Variants in ACP2 observed in about 807,000 individuals in gnomAD.
The protein encoded by ACP2 is lysosomal acid phosphatase.
In ACP2, 35 loss-of-function variants were observed where a neutral mutation model predicts 54.7. That is an observed-to-expected ratio of 0.64 (90% CI 0.49 to 0.85). The LOEUF is 0.85. Among genes scored for constraint, ACP2 ranks in the 40% least tolerant of loss-of-function variants. The probability of loss-of-function intolerance (pLI) is 0.00; values close to 1 mark genes in which losing one functional copy is unlikely to be tolerated. For missense variants in ACP2, 492 were observed against 565.0 expected (o/e 0.87, Z 1.31); for synonymous variants, 210 against 224.4 (o/e 0.94, Z 0.57).
chr11:47,240,836 A>G (rs1591008782), intron 10 of ACP2, among the ~76,000 whole-genome samples: 7 of 152,040 alleles, frequency 4.6e-5, no homozygotes, highest in African/African-American at 1.2e-4. Flanking sequence ...AAAAAAAAAA[A>G]TTAGGAGTGA....
intron 1 of ACP2, 147 bp downstream of exon 1, chr11:47,248,529 G>A: frequency 1.3e-6 from 2 of 1,551,488 alleles, no homozygotes; most frequent in African/African-American, 1.4e-5. Context: ...CAGGGCTCCA[G>A]GTCAATCCTG....
chr11:47,246,256 C>T (rs1954074927), intron 3 of ACP2, among the ~76,000 whole-genome samples: 1 of 152,122 alleles, frequency 6.6e-6, no homozygotes, highest in African/African-American at 2.4e-5. Flanking sequence ...GCTCCAGTGA[C>T]GACCCTTAGA....
At chr11:47,245,153 C>T in intron 6 of ACP2, 152 bp downstream of exon 6, 1 of 968,204 alleles carries the variant, frequency 1.0e-6, no homozygotes, top group Non-Finnish European at 1.6e-6. Flanking sequence ...ATCTCTGTCA[C>T]CCATGAGGGA....
chr11:47,243,158 TC>T, intron 8 of ACP2, 34 bp from the exon 9 acceptor site: 1 of 1,613,494 alleles, frequency 6.2e-7, no homozygotes. Context: ...TCAGCATTGT[TC>T]CCCACACCCG....
chr11:47,245,801 G>T lies in ACP2; in HGVS notation c.331C>A (p.Leu111Ile). The change falls in exon 4 of 11, where the codon CTC (leucine) becomes ATC (isoleucine). Residue 111 changes from leucine to isoleucine, a missense_variant. Leu to Ile is a conservative substitution (Grantham distance 5). Coordinates refer to ENST00000672073, the MANE Select transcript of ACP2 (RefSeq NM_001610.4). Reference protein sequence around the residue: ...YVRSTDFDRTLMSAEANLAGL... With the variant: ...YVRSTDFDRTIMSAEANLAGL... ...GCCAGGTTGGCCTCAGCACTCATGA[G>T]AGTCCGGTCAAAGTCTGTGCTTCGC... 6.3e-7 allele frequency: 1 copy of T among 1,597,186 alleles called. No individual in the cohort carries two copies. The highest frequency in any genetic ancestry group is 8.5e-7 in the Non-Finnish European group (1 of 1,171,890).
At chr11:47,248,390 G>A (rs1477884328) in intron 1 of ACP2, 8 of 1,490,082 alleles carry the variant, frequency 5.4e-6, no homozygotes, top group Non-Finnish European at 7.2e-6. Context: ...AGCAACGTAT[G>A]TGGTGGGGAC....
rs149746754 is a variant in ACP2 at position 47,242,739 on chromosome 11, G to T, written c.1122C>A (p.Ser374Arg). The change falls in exon 10 of 11, where the codon AGC becomes AGA. Residue 374 changes from serine (S) to arginine (R), a missense_variant. Ser to Arg is a moderately radical substitution (Grantham distance 110). Transcript: ENST00000672073. The stretch of plus-strand genomic sequence containing the variant: ...ACAGCTCACCTGTGTCTGCAGGACC[G>T]CTTGCCAGCTGGCACTCCTGCTGCC... ...KDWQQECQLA[S>R]GPADTEVIVA... 6.2e-7 allele frequency: 1 copy of T among 1,613,534 alleles called. No individual in the cohort carries two copies.
rs1370001918 is a variant in ACP2 at position 47,245,339 on chromosome 11, G to C, written c.605C>G (p.Thr202Ser). 6.2e-7 allele frequency: 1 copy of C among 1,614,112 alleles called. No individual in the cohort carries two copies. Among genetic ancestry groups the C allele is most frequent in the African/African-American group, 1.3e-5 (1 of 75,010 alleles). The change falls in exon 6 of 11, where the codon ACC (threonine) becomes AGC (serine). Residue 202 changes from threonine (T) to serine (S), a missense_variant. Coordinates refer to ENST00000672073, the MANE Select transcript of ACP2 (RefSeq NM_001610.4). ...ETGLTDLTLETVWNVYDTLFC... is the reference protein window; with the variant it reads ...ETGLTDLTLESVWNVYDTLFC... ...GAGTGTGTCATAGACATTCCAGACG[G>C]TCTCCAGTGTCAGGTCTGTAAGCCC...
At chr11:47,244,586 G>T in intron 7 of ACP2, 149 bp downstream of exon 7, 3 of 546,206 alleles carry the variant, frequency 5.5e-6, no homozygotes, top group Non-Finnish European at 9.4e-6. Context: ...GGGGAAATTT[G>T]GTGACTAGCG....
At chr11:47,242,978 C>T (rs11039145) in intron 9 of ACP2, 40 bp downstream of exon 9, 63,772 of 1,612,834 alleles carry the variant, frequency 0.04, 1,690 homozygotes, top group South Asian at 0.11. Context: ...AGCCACCTCC[C>T]GAGGGCCCCC....
Position 47,245,578 on chromosome 11 carries a change from G to T in ACP2, c.451-6C>A. ...CCCAACGGGAACTTCAGCAGCTGTA[G>T]AGCGAAGCGGGGAAACAGGCAGCGG... On this transcript the variant is annotated splice_region_variant and splice_polypyrimidine_tract_variant and intron_variant, in intron 4 of 10. Transcript: ENST00000672073. 2 of 1,614,254 alleles carry T rather than the reference G, an allele frequency of 1.2e-6. No homozygotes were observed. The highest frequency in any genetic ancestry group is 8.5e-7 in the Non-Finnish European group (1 of 1,180,052).
chr11:47,244,673 A>G, intron 7 of ACP2, 62 bp downstream of exon 7: 3 of 1,364,118 alleles, frequency 2.2e-6, no homozygotes, highest in Non-Finnish European at 3.0e-6. Flanking sequence ...AAGCCCCCAC[A>G]GCAGATTTTT....
Position 47,245,522 on chromosome 11 carries a change from G to C in ACP2, c.501C>G (p.Asn167Lys). The stretch of plus-strand genomic sequence containing the variant: ...GATACTCTGGTGTCTGCCGGGTCTC[G>C]TTCTGCAGCTGCTCATAACGGGGAC... ...GPCPRYEQLQ[N>K]ETRQTPEYQN... Residue 167 changes from asparagine (N) to lysine (K), a missense_variant, in exon 5 of 11, where the codon AAC (asparagine) becomes AAG (lysine). Physicochemically the swap from Asn to Lys is moderately conservative, Grantham distance 94. Transcript: ENST00000672073. 1 of 1,614,230 alleles carries C rather than the reference G, an allele frequency of 6.2e-7. No homozygotes were observed.
intron 10 of ACP2, 113 bp from the exon 11 acceptor site, chr11:47,240,362 A>C: frequency 1.6e-6 from 1 of 627,144 alleles, no homozygotes. Flanking sequence ...CCCTGCTCTC[A>C]TGGAGTTTAC....
rs754502962 is a variant in ACP2 at position 47,245,514 on chromosome 11, C to A, written c.509G>T (p.Arg170Leu). The change falls in exon 5 of 11, where the codon CGG (arginine) becomes CTG (leucine). Residue 170 changes from arginine to leucine, a missense_variant. By Grantham distance (102) the Arg-to-Leu change is moderately radical. Coordinates refer to ENST00000672073, the MANE Select transcript of ACP2 (RefSeq NM_001610.4). The stretch of plus-strand genomic sequence containing the variant: ...CTCATTCTGATACTCTGGTGTCTGC[C>A]GGGTCTCGTTCTGCAGCTGCTCATA... ...PRYEQLQNETRQTPEYQNESS... is the reference protein window; with the variant it reads ...PRYEQLQNETLQTPEYQNESS... 3 of 1,614,202 alleles carry A rather than the reference C, an allele frequency of 1.9e-6. No individual in the cohort carries two copies. The highest frequency in any genetic ancestry group is 1.7e-5 in the Admixed American group (1 of 60,030).
chr11:47,240,390 G>A, intron 10 of ACP2, 141 bp from the exon 11 acceptor site: 1 of 587,566 alleles, frequency 1.7e-6, no homozygotes. Context: ...GAGAGGGGAT[G>A]TAATAAATAA....
At chr11:47,247,832 C>CA in intron 2 of ACP2, 105 bp from the exon 3 acceptor site, 1 of 1,159,622 alleles carries the variant, frequency 8.6e-7, no homozygotes, top group Non-Finnish European at 1.2e-6. Flanking sequence ...TTGCTGGAGT[C>CA]AATTAATCTG....
In ACP2 at chr11:47,243,169, G is replaced by T. The variant is rs763580290; in HGVS notation, c.856-45C>A. The T allele has an allele frequency of 1.9e-6, 3 of 1,612,330 alleles. No homozygotes were observed. The Admixed American group carries it at 5.0e-5, about 27-fold the overall frequency. On this transcript the variant is annotated intron_variant, in intron 8 of 10. Coordinates refer to ENST00000672073, the MANE Select transcript of ACP2 (RefSeq NM_001610.4). ...CCCGTCAGCATTGTTCCCCACACCC[G>T]CAGGAACCGAACAGAGAAGAAATCC...
At chr11:47,246,499 C>G (rs1015903657) in intron 3 of ACP2, among the ~76,000 whole-genome samples, 1 of 151,936 alleles carries the variant, frequency 6.6e-6, no homozygotes, top group Non-Finnish European at 1.5e-5. Flanking sequence ...TCACTTGAGC[C>G]CAGGAGTTTG....
Sources: gnomAD v4.1 joint callset for allele counts (sites outside exome capture counted in the v4.1 genomes callset) on GRCh38, gnomAD v4.1.1 for gene constraint, MANE v1.5 for transcripts, NCBI Gene and HGNC (gene_info 2026-07-23, HGNC 2026-07-21) for gene names.